CDCP1: variants seen among roughly 807,000 people sequenced by gnomAD.
The protein encoded by CDCP1 is CUB domain-containing protein 1.
CDCP1 carries 29 observed loss-of-function variants against 60.2 expected under a neutral mutation model. That is an observed-to-expected ratio of 0.48 (90% CI 0.36 to 0.66). CDCP1 has a LOEUF of 0.66. Among genes scored for constraint, CDCP1 ranks in the 30% least tolerant of loss-of-function variants. CDCP1 has a pLI of 0.00. For missense variants in CDCP1, 876 were observed against 1,074.3 expected, an observed-to-expected ratio of 0.82 and a Z score of 2.58; for synonymous variants, 387 against 431.1, an observed-to-expected ratio of 0.90 and a Z score of 1.27.
chr3:45,094,892 C>T (rs953708717), intron 5 of CDCP1, among the ~76,000 whole-genome samples: 3 of 151,778 alleles, frequency 2.0e-5, no homozygotes, highest in African/African-American at 7.3e-5. Context: ...GTGTTGACAC[C>T]CACTCTGCTT....
At chr3:45,114,940 T>A (rs945850130) in intron 2 of CDCP1, among the ~76,000 whole-genome samples, 2 of 146,160 alleles carry the variant, frequency 1.4e-5, no homozygotes, top group African/African-American at 2.4e-5. Context: ...CATGTGGGCA[T>A]CCTAGGATTG....
At chr3:45,146,147 G>A in intron 1 of CDCP1, 59 bp downstream of exon 1, 1 of 1,462,714 alleles carries the variant, frequency 6.8e-7, no homozygotes, top group Non-Finnish European at 9.2e-7. Context: ...TCCGCCGGGC[G>A]TCCGCTGGCT....
rs181167508 is a variant in CDCP1 at position 45,087,799 on chromosome 3, C to T, written c.2081+1255G>A. 3.0e-3 allele frequency among the ~76,000 whole-genome samples: 459 copies of T among 152,228 alleles called. 2 individuals are homozygous for T. Among genetic ancestry groups the T allele is most frequent in the Non-Finnish European group, 4.5e-3 (307 of 68,022 alleles). ...CTTTGGGAGGCCGAGGCGGGTGGAT[C>T]ACAAGGTCAAGAGATCGAGACCATC... is the stretch of plus-strand genomic sequence containing the variant. On this transcript the variant is annotated intron_variant, in intron 8 of 8. Transcript: ENST00000296129.
At chr3:45,087,804 G>T (rs1698221772) in intron 8 of CDCP1, among the ~76,000 whole-genome samples, 1 of 152,144 alleles carries the variant, frequency 6.6e-6, no homozygotes, top group African/African-American at 2.4e-5. Flanking sequence ...TGGATCACAA[G>T]GTCAAGAGAT....
chr3:45,128,173 C>A (rs1699033569), intron 1 of CDCP1, among the ~76,000 whole-genome samples: 1 of 152,222 alleles, frequency 6.6e-6, no homozygotes, highest in South Asian at 2.1e-4. Context: ...TGATCAAGCA[C>A]AACCTCCCAC....
intron 3 of CDCP1, among the ~76,000 whole-genome samples, chr3:45,111,545 G>T (rs1035919262): frequency 3.3e-5 from 5 of 152,114 alleles, no homozygotes; most frequent in African/African-American, 4.8e-5. Flanking sequence ...GTGTGGTGGC[G>T]CACGACTATA....
At chr3:45,090,639 A>C (rs1370173046) in intron 7 of CDCP1, among the ~76,000 whole-genome samples, 56 of 152,178 alleles carry the variant, frequency 3.7e-4, no homozygotes. Flanking sequence ...AGATTGACTA[A>C]AAAAAATCTA....
At chr3:45,142,422 G>A (rs992248422) in intron 1 of CDCP1, among the ~76,000 whole-genome samples, 3 of 152,116 alleles carry the variant, frequency 2.0e-5, no homozygotes, top group African/African-American at 7.2e-5. Flanking sequence ...ATCCAGCTGG[G>A]GTGGTGCTTC....
At chr3:45,125,920 G>T (rs953985591) in intron 1 of CDCP1, among the ~76,000 whole-genome samples, 1 of 152,186 alleles carries the variant, frequency 6.6e-6, no homozygotes, top group Non-Finnish European at 1.5e-5. Context: ...ACTGAGACCA[G>T]AGAAGTGACC....
intron 1 of CDCP1, among the ~76,000 whole-genome samples, chr3:45,137,419 C>T (rs745403706): frequency 2.0e-5 from 3 of 152,026 alleles, no homozygotes; most frequent in Non-Finnish European, 4.4e-5. Context: ...AGGCAGAGGC[C>T]AGTGAGGCTA....
intron 1 of CDCP1, among the ~76,000 whole-genome samples, chr3:45,126,154 C>CTT (rs1314560778): frequency 2.1e-5 from 3 of 144,320 alleles, no homozygotes; most frequent in Non-Finnish European, 4.5e-5. Flanking sequence ...TTCTTTCTTT[C>CTT]TTTCTTTCTT....
rs1267564760 is a variant in CDCP1, at chr3:45,102,916, C to T, written c.1025-7348G>A. Among the ~76,000 whole-genome samples the T allele has an allele frequency of 2.0e-5, 3 of 151,896 alleles. No homozygotes were observed. In the East Asian group the frequency reaches 5.8e-4, roughly 29 times the overall value. On this transcript the variant is annotated intron_variant, in intron 4 of 8. Transcript: ENST00000296129. ...GCTCAACCAAATATGCCTGCCTCGG[C>T]CTCCCAAAGCGTTGGGATTACAGGC...
chr3:45,127,605 C>A (rs936826117), intron 1 of CDCP1, among the ~76,000 whole-genome samples: 12 of 152,208 alleles, frequency 7.9e-5, no homozygotes, highest in Non-Finnish European at 1.3e-4. Context: ...TTTGGCTTCA[C>A]AGGAAATGCT....
At chr3:45,108,954 T>TATATATA (rs1224356043) in intron 4 of CDCP1, among the ~76,000 whole-genome samples, 11 of 32,690 alleles carry the variant, frequency 3.4e-4, no homozygotes, top group East Asian at 6.8e-4. Context: ...TATATATATA[T>TATATATA]TTTTTTTTTT....
chr3:45,119,657 T>C (rs529595055), intron 1 of CDCP1, among the ~76,000 whole-genome samples: 1 of 152,360 alleles, frequency 6.6e-6, no homozygotes, highest in African/African-American at 2.4e-5. Context: ...TCAGAAGCTT[T>C]TGTTTCCCAT....
At chr3:45,115,870 ATTGT>A (rs555677576) in intron 2 of CDCP1, among the ~76,000 whole-genome samples, 255 of 150,184 alleles carry the variant, frequency 1.7e-3, no homozygotes, top group African/African-American at 5.6e-3. Flanking sequence ...CGCCTGGCTA[ATTGT>A]TTGTAAAAAT....
chr3:45,091,215 G>C lies in CDCP1; in HGVS notation c.1951C>G (p.Leu651Val). The change falls in exon 7 of 9, where the codon CTA (leucine) becomes GTA (valine). Residue 651 changes from leucine to valine, a missense_variant. Leu to Val is a conservative substitution (Grantham distance 32). Coordinates refer to ENST00000296129, the MANE Select transcript of CDCP1 (RefSeq NM_022842.5). This position sits in a 1 kb window ranked among gnomAD's most constrained non-coding sequence, Gnocchi z 4.8. ...SNCSPTSGKQLDLLFSVTLTP... is the reference protein window; with the variant it reads ...SNCSPTSGKQVDLLFSVTLTP... ...AGTGTCACCGAGAAGAGCAGGTCTA[G>C]CTGCTTGCCGCTCGTGGGGCTGCAG... 6.2e-7 allele frequency: 1 copy of C among 1,613,890 alleles called. No individual in the cohort carries two copies. Among genetic ancestry groups the C allele is most frequent in the Non-Finnish European group, 8.5e-7 (1 of 1,180,024 alleles).
chr3:45,114,370 A>C (rs78433155), intron 2 of CDCP1, among the ~76,000 whole-genome samples: 1,529 of 152,124 alleles, frequency 0.01, 26 homozygotes, highest in African/African-American at 0.034. Flanking sequence ...GAAGTGATTC[A>C]TAAACTCATT....
upstream of CDCP1, chr3:45,146,431 A>G (rs1699394058): frequency 1.7e-6 from 1 of 604,668 alleles, no homozygotes; most frequent in South Asian, 2.8e-5. Context: ...CCTGCGCAGC[A>G]GGATCGCGAG....
Sources: allele counts gnomAD v4.1 joint callset (sites outside exome capture counted in the v4.1 genomes callset), GRCh38; gene constraint gnomAD v4.1.1; non-coding constraint Gnocchi (gnomAD v3.1); transcripts MANE v1.5; gene names NCBI Gene and HGNC (gene_info 2026-07-23, HGNC 2026-07-21).